Variants in KCNG3 observed in about 807,000 individuals in gnomAD.
The protein encoded by KCNG3 is voltage-gated potassium channel regulatory subunit KCNG3.
KCNG3 carries 15 observed loss-of-function variants against 29.0 expected under a neutral mutation model. That is an observed-to-expected ratio of 0.52 (90% CI 0.35 to 0.80). The LOEUF is 0.80. Among genes scored for constraint, KCNG3 ranks in the 30% least tolerant of loss-of-function variants. KCNG3 has a pLI of 0.01. For missense variants in KCNG3, 512 were observed against 605.7 expected (o/e 0.85, Z 1.62); for synonymous variants, 322 against 248.9 (o/e 1.29, Z -2.76).
chr2:42,474,157 C>G (rs971955920), intron 1 of KCNG3, among the ~76,000 whole-genome samples: 3 of 151,434 alleles, frequency 2.0e-5, no homozygotes, highest in Non-Finnish European at 4.4e-5. Flanking sequence ...GCTATTTTGA[C>G]TTAGTGACCT....
At chr2:42,413,306 G>A in the KCNG3 span, among the ~76,000 whole-genome samples, 1 of 152,146 alleles carries the variant, frequency 6.6e-6, no homozygotes, top group Non-Finnish European at 1.5e-5. Context: ...CTCATAAATA[G>A]TATTTTTAAA....
At chr2:42,408,902 G>A in the KCNG3 span, among the ~76,000 whole-genome samples, 1 of 152,152 alleles carries the variant, frequency 6.6e-6, no homozygotes, top group Non-Finnish European at 1.5e-5. Flanking sequence ...CCTCTTTGGG[G>A]CCCTGCTGTT....
the KCNG3 span, among the ~76,000 whole-genome samples, chr2:42,432,939 A>T: frequency 7.9e-6 from 1 of 126,694 alleles, no homozygotes; most frequent in Non-Finnish European, 1.6e-5. Flanking sequence ...TATGATAAAA[A>T]AAAAAAAAAC....
At chr2:42,415,308 T>A in the KCNG3 span, among the ~76,000 whole-genome samples, 1 of 152,220 alleles carries the variant, frequency 6.6e-6, no homozygotes, top group African/African-American at 2.4e-5. Flanking sequence ...GACAAGCATC[T>A]TATTTCTGGT....
At chr2:42,456,463 G>C (rs1426613730) in intron 1 of KCNG3, among the ~76,000 whole-genome samples, 1 of 152,080 alleles carries the variant, frequency 6.6e-6, no homozygotes, top group African/African-American at 2.4e-5. Context: ...GCTGCAGTGG[G>C]CCATGATCGC....
At chr2:42,490,617 G>T (rs992302799) in intron 1 of KCNG3, among the ~76,000 whole-genome samples, 2 of 152,070 alleles carry the variant, frequency 1.3e-5, no homozygotes, top group African/African-American at 2.4e-5. Flanking sequence ...CTTTACAACA[G>T]AAAGTTACAA....
In KCNG3 at chr2:42,493,533, G is replaced by T; in HGVS notation, c.-32C>A. On this transcript the variant is annotated 5_prime_UTR_variant, in exon 1 of 2. Coordinates refer to ENST00000306078, the MANE Select transcript of KCNG3 (RefSeq NM_133329.6). Reference sequence around the variant, plus strand: ...CCGCCCGGGGGACTTTCGGCCCGAGGGCCCCGCTGCAGCCCCCCACCCCAA... The same window carrying T: ...CCGCCCGGGGGACTTTCGGCCCGAGTGCCCCGCTGCAGCCCCCCACCCCAA... 1 of 1,337,180 alleles carries T rather than the reference G, an allele frequency of 7.5e-7. No homozygotes were observed. The highest frequency in any genetic ancestry group is 2.0e-5 in the South Asian group (1 of 48,962). 82.8% of individuals were successfully genotyped at this position (1,337,180 alleles called of 1,614,324 possible). A position where few individuals can be genotyped will look rare whatever the true frequency, so the allele number is the denominator to read the frequency against.
At chr2:42,492,754 G>C in intron 1 of KCNG3, 83 bp downstream of exon 1, 4 of 1,272,040 alleles carry the variant, frequency 3.1e-6, no homozygotes, top group Non-Finnish European at 4.1e-6. Context: ...CCCGGAGGCG[G>C]ACAGGACGGA....
intron 1 of KCNG3, among the ~76,000 whole-genome samples, chr2:42,461,582 C>T (rs995531507): frequency 6.6e-6 from 1 of 152,192 alleles, no homozygotes; most frequent in Non-Finnish European, 1.5e-5. Context: ...CCAGGCCTGA[C>T]AGCACCTGTG....
At chr2:42,454,240 C>T (rs763790325) in intron 1 of KCNG3, among the ~76,000 whole-genome samples, 40 of 152,184 alleles carry the variant, frequency 2.6e-4, no homozygotes, top group African/African-American at 9.4e-4. Context: ...GAAGTAATCA[C>T]GCTTCTGGGT....
At chr2:42,476,834 CT>C (rs1411869289) in intron 1 of KCNG3, among the ~76,000 whole-genome samples, 1 of 150,982 alleles carries the variant, frequency 6.6e-6, no homozygotes, top group Non-Finnish European at 1.5e-5. Context: ...AATCATATAA[CT>C]TTGCAAAAGA....
Position 42,492,860 on chromosome 2 carries a change from G to A in KCNG3, c.642C>T (p.Ala214=). ...RSLDDRSRYS[A]GPGREPSGII... ...ACCCGGAGGGCTCCCTCCCAGGGCC[G>A]GCGGAGTACCTGCTCCGGTCATCCA... The change falls in exon 1 of 2, where the codon GCC becomes GCT. Residue 214 remains alanine, a synonymous_variant. Transcript: ENST00000306078. The A allele has an allele frequency of 1.3e-6, 2 of 1,510,010 alleles. No homozygotes were observed. The highest frequency in any genetic ancestry group is 1.8e-6 in the Non-Finnish European group (2 of 1,133,606). 93.5% of individuals were successfully genotyped at this position (1,510,010 alleles called of 1,614,324 possible). A position where few individuals can be genotyped will look rare whatever the true frequency, so the allele number is the denominator to read the frequency against.
the KCNG3 span, among the ~76,000 whole-genome samples, chr2:42,398,260 T>TAAATAAATAAATAAATAAATAAATA: frequency 8.1e-6 from 1 of 124,090 alleles, no homozygotes; most frequent in Non-Finnish European, 1.7e-5. Flanking sequence ...AATAAATAAA[T>TAAATAAATAAATAAATAAATAAATA]AAATAAAATA....
chr2:42,463,132 T>C (rs1673059482), intron 1 of KCNG3: 1 of 331,712 alleles, frequency 3.0e-6, no homozygotes, highest in Admixed American at 3.6e-5. Flanking sequence ...TGTACAGTAT[T>C]CATTTGTGCT....
the KCNG3 span, among the ~76,000 whole-genome samples, chr2:42,404,498 C>G: frequency 6.6e-6 from 1 of 152,126 alleles, no homozygotes; most frequent in Non-Finnish European, 1.5e-5. Context: ...GAGGCCGAGG[C>G]AGGCAGATTT....
the KCNG3 span, among the ~76,000 whole-genome samples, chr2:42,393,021 A>C: frequency 6.6e-6 from 1 of 152,188 alleles, no homozygotes; most frequent in Non-Finnish European, 1.5e-5. Context: ...TTACAAACAC[A>C]AATTGTTATT....
intron 1 of KCNG3, among the ~76,000 whole-genome samples, chr2:42,475,255 T>C (rs1047829252): frequency 6.6e-6 from 1 of 151,870 alleles, no homozygotes; most frequent in Middle Eastern, 3.2e-3. Context: ...AGCCAGGAAT[T>C]TGGTGCTTCA....
the KCNG3 span, among the ~76,000 whole-genome samples, chr2:42,403,676 G>A: frequency 6.6e-6 from 1 of 150,408 alleles, no homozygotes; most frequent in Non-Finnish European, 1.5e-5. Context: ...CGTTGGCCAG[G>A]CTGGTTTTGA....
the KCNG3 span, among the ~76,000 whole-genome samples, chr2:42,419,219 C>CTTTTTTATTTTTTTTTT: frequency 3.6e-5 from 1 of 27,712 alleles, no homozygotes; most frequent in Non-Finnish European, 6.7e-5. Context: ...GATGGTATCT[C>CTTTTTTATTTTTTTTTT]TTTTTTTTTT....
Sources: gnomAD v4.1 joint callset for allele counts (sites outside exome capture counted in the v4.1 genomes callset) on GRCh38, gnomAD v4.1.1 for gene constraint, MANE v1.5 for transcripts, NCBI Gene and HGNC (gene_info 2026-07-23, HGNC 2026-07-21) for gene names.